The following TBCK variants were observed in gnomAD, a reference collection of about 807,000 sequenced individuals.
TBCK encodes the protein TBC1 domain containing kinase.
Under a neutral mutation model 113.4 loss-of-function variants are expected in TBCK, and 99 were observed. That is an observed-to-expected ratio of 0.87 (90% confidence interval 0.74 to 1.03). The LOEUF (loss-of-function observed/expected upper bound fraction) is 1.03, where lower values mean the gene tolerates loss of function less well. Ranked by LOEUF, TBCK falls within the 50% of genes least tolerant of loss-of-function variation. TBCK has a pLI of 0.00. For missense variants in TBCK, 1,045 were observed against 1,061.3 expected (o/e 0.98, Z 0.21); for synonymous variants, 369 against 370.8 (o/e 1.00, Z 0.05).
Position 106,123,060 on chromosome 4 carries a change from C to A in TBCK, c.2236-6682G>T, listed in dbSNP as rs573384368. On this transcript the variant is annotated intron_variant, in intron 23 of 25. Transcript: ENST00000394708. ...GCAGGAGAAAGAAATAAAGGGTATT[C>A]AATTAGGAAAAGAGGAAGTCACATT... Among the ~76,000 whole-genome samples the A allele has an allele frequency of 3.0e-4, 46 of 152,240 alleles. No homozygotes were observed. The South Asian group carries it at 4.2e-3, about 14-fold the overall frequency.
chr4:106,136,328 C>T (rs1046196221), intron 23 of TBCK, among the ~76,000 whole-genome samples: 1 of 141,206 alleles, frequency 7.1e-6, no homozygotes, highest in African/African-American at 2.5e-5. Context: ...TCTATTTTCT[C>T]CTTACCATTG....
At chr4:106,181,381 CATTTGTCAA>C (rs1425185427) in intron 22 of TBCK, among the ~76,000 whole-genome samples, 2 of 152,150 alleles carry the variant, frequency 1.3e-5, no homozygotes, top group Non-Finnish European at 2.9e-5. Flanking sequence ...AATTAGATCC[CATTTGTCAA>C]TTTTGGCTTT....
At chr4:106,276,631 G>A (rs979062414) in intron 3 of TBCK, among the ~76,000 whole-genome samples, 7 of 152,084 alleles carry the variant, frequency 4.6e-5, no homozygotes, top group African/African-American at 1.7e-4. Flanking sequence ...TGTGGCTCAC[G>A]CCTATAATCC....
chr4:106,151,868 T>G (rs1748533363), intron 23 of TBCK, among the ~76,000 whole-genome samples: 1 of 152,026 alleles, frequency 6.6e-6, no homozygotes, highest in African/African-American at 2.4e-5. Flanking sequence ...ATTACTTTCC[T>G]GGTTTCTTCT....
At chr4:106,066,007 G>T (rs1276339348) in intron 25 of TBCK, among the ~76,000 whole-genome samples, 2 of 151,946 alleles carry the variant, frequency 1.3e-5, no homozygotes, top group Non-Finnish European at 2.9e-5. Context: ...AGTGGTAATT[G>T]TAAAGAAACC....
At chr4:106,124,362 A>G (rs1744873424) in intron 23 of TBCK, among the ~76,000 whole-genome samples, 1 of 152,226 alleles carries the variant, frequency 6.6e-6, no homozygotes, top group Admixed American at 6.5e-5. Context: ...CAGGTGCTGG[A>G]GAGGATGTGG....
rs190225484 is a variant in TBCK, at chr4:106,136,902, G to A, written c.2236-20524C>T. Among the ~76,000 whole-genome samples the A allele has an allele frequency of 1.8e-4, 26 of 141,328 alleles. 1 individual carries two copies. The highest frequency in any genetic ancestry group is 7.3e-4 in the South Asian group (3 of 4,122). 92.7% of individuals were successfully genotyped at this position (141,328 alleles called of 152,430 possible). ...AAATGATAAAGAAAGAAAGATAGAT[G>A]TATGAGAGCCTGTATAGGAAAATAC... On this transcript the variant is annotated intron_variant, in intron 23 of 25. Coordinates refer to ENST00000394708, the MANE Select transcript of TBCK (RefSeq NM_001163435.3).
chr4:106,120,158 C>T lies in TBCK; in HGVS notation c.2236-3780G>A, dbSNP rs868601474. Among the ~76,000 whole-genome samples the T allele has an allele frequency of 1.2e-4, 19 of 152,264 alleles. 1 individual carries two copies. In the South Asian group the frequency reaches 1.9e-3, roughly 15 times the overall value. The stretch of plus-strand genomic sequence containing the variant: ...GCAAGGCATTGCCTCACTGGGGAAG[C>T]GCAAGGGGTCAGGGAGTTCCCTTTC... On this transcript the variant is annotated intron_variant, in intron 23 of 25. Transcript: ENST00000394708.
chr4:106,265,015 T>C (rs1224026719), intron 3 of TBCK, among the ~76,000 whole-genome samples: 1 of 151,900 alleles, frequency 6.6e-6, no homozygotes, highest in African/African-American at 2.4e-5. Context: ...TGAGGATTAT[T>C]TTTACTTTAT....
In TBCK at chr4:106,225,961, A is replaced by G. The variant is rs192245778; in HGVS notation, c.1774+4402T>C. 3.9e-3 allele frequency among the ~76,000 whole-genome samples: 595 copies of G among 152,142 alleles called. 5 individuals are homozygous for G. Among genetic ancestry groups the G allele is most frequent in the African/African-American group, 0.014 (567 of 41,520 alleles). ...CGAATGGCTTGAGCTCCTGAGTTTGAGATCAGCCTGGGGAACATGGCCAAA... is the reference window on the plus strand; with the variant it reads ...CGAATGGCTTGAGCTCCTGAGTTTGGGATCAGCCTGGGGAACATGGCCAAA... On this transcript the variant is annotated intron_variant, in intron 19 of 25. Coordinates refer to ENST00000394708, the MANE Select transcript of TBCK (RefSeq NM_001163435.3).
rs577990092 is a variant in TBCK, at chr4:106,209,017, G to A, written c.1860+3733C>T. On this transcript the variant is annotated intron_variant, in intron 20 of 25. Transcript: ENST00000394708. ...ACAGCCTGCCTGGCCAGGTGGGCAGGGTACCTAGTGGGGCAAGCCCAGGGC... is the reference window on the plus strand; with the variant it reads ...ACAGCCTGCCTGGCCAGGTGGGCAGAGTACCTAGTGGGGCAAGCCCAGGGC... 1.7e-3 allele frequency among the ~76,000 whole-genome samples: 254 copies of A among 152,286 alleles called. 2 individuals are homozygous for A. The highest frequency in any genetic ancestry group is 0.014 in the South Asian group (69 of 4,826).
intron 12 of TBCK, among the ~76,000 whole-genome samples, chr4:106,240,880 G>T (rs931469748): frequency 1.3e-5 from 2 of 151,998 alleles, no homozygotes; most frequent in African/African-American, 2.4e-5. Flanking sequence ...CTAGGTCAGG[G>T]ATTAGCAAAC....
chr4:106,226,234 TATTAA>T (rs1758232616), intron 19 of TBCK, among the ~76,000 whole-genome samples: 1 of 152,242 alleles, frequency 6.6e-6, no homozygotes, highest in Non-Finnish European at 1.5e-5. Context: ...GGAAATTCAT[TATTAA>T]TATACAATGT....
At chr4:106,245,730 A>G (rs1760722953) in intron 10 of TBCK, among the ~76,000 whole-genome samples, 1 of 152,220 alleles carries the variant, frequency 6.6e-6, no homozygotes, top group Non-Finnish European at 1.5e-5. Context: ...TGTTAATAAA[A>G]TCATAGGTAC....
intron 2 of TBCK, among the ~76,000 whole-genome samples, chr4:106,307,495 A>G (rs1428690788): frequency 6.6e-6 from 1 of 152,154 alleles, no homozygotes; most frequent in East Asian, 1.9e-4. Flanking sequence ...TTTAAGAGAA[A>G]TAAACCAGGG....
intron 3 of TBCK, among the ~76,000 whole-genome samples, chr4:106,275,301 T>G (rs554725187): frequency 6.6e-6 from 1 of 152,152 alleles, no homozygotes; most frequent in Non-Finnish European, 1.5e-5. Context: ...AAGGCATATA[T>G]AAAAACCTTA....
chr4:106,130,999 C>A (rs528362843), intron 23 of TBCK, among the ~76,000 whole-genome samples: 2 of 151,896 alleles, frequency 1.3e-5, no homozygotes, highest in Non-Finnish European at 2.9e-5. Context: ...TAGCTGGGTC[C>A]CCCCCAAATC....
At chr4:106,292,132 G>A (rs1217795971) in intron 3 of TBCK, among the ~76,000 whole-genome samples, 1 of 152,122 alleles carries the variant, frequency 6.6e-6, no homozygotes, top group Non-Finnish European at 1.5e-5. Context: ...CGGCTTTCTG[G>A]TTTCACTTCT....
chr4:106,218,042 T>C (rs199546404), intron 19 of TBCK, among the ~76,000 whole-genome samples: 7,605 of 120,668 alleles, frequency 0.063, 255 homozygotes, highest in South Asian at 0.089. Flanking sequence ...TGGAACAGAA[T>C]AGAGCCCTCA....
Sources: gnomAD v4.1 joint callset for allele counts (sites outside exome capture counted in the v4.1 genomes callset) on GRCh38, gnomAD v4.1.1 for gene constraint, MANE v1.5 for transcripts, NCBI Gene and HGNC (gene_info 2026-07-23, HGNC 2026-07-21) for gene names.